PCDH15: variants seen among roughly 807,000 people sequenced by gnomAD.
The protein encoded by PCDH15 is protocadherin-15.
A neutral mutation model predicts 178.5 loss-of-function variants in PCDH15; 129 were observed. That is an observed-to-expected ratio of 0.72 (90% CI 0.63 to 0.84). The LOEUF is 0.84. Ranked by LOEUF, PCDH15 falls within the 40% of genes least tolerant of loss-of-function variation. The pLI is 0.00. For missense variants in PCDH15, 2,230 were observed against 2,099.9 expected (o/e 1.06, Z -1.21); for synonymous variants, 800 against 732.0 (o/e 1.09, Z -1.50).
chr10:54,610,950 GGTCA>G (rs1208336364), intron 2 of PCDH15, among the ~76,000 whole-genome samples: 4 of 151,434 alleles, frequency 2.6e-5, no homozygotes, highest in African/African-American at 9.7e-5. Context: ...TGCTTATTTT[GGTCA>G]GTGTTATTTG....
At chr10:55,075,749 G>A (rs1364838596) in intron 2 of PCDH15, among the ~76,000 whole-genome samples, 1 of 151,224 alleles carries the variant, frequency 6.6e-6, no homozygotes, top group Non-Finnish European at 1.5e-5. Context: ...CTTCTGCTCT[G>A]ATCTTTATTG....
rs1341777226 is a variant in PCDH15, at chr10:54,752,478, AAAAAAAAAAAAAAC to A, written c.-29+48433_-29+48446del. ...GGTGACAGAACGAGACTCCGTCTCA[AAAAAAAAAAAAAAC>A]AAAAAACAAAAAACAAAAAACAAAC... is the stretch of plus-strand genomic sequence containing the variant. On this transcript the variant is annotated intron_variant, in intron 1 of 37. Coordinates refer to ENST00000644397, the MANE Select transcript of PCDH15 (RefSeq NM_001384140.1). 4.5e-4 allele frequency among the ~76,000 whole-genome samples: 40 copies of A among 88,306 alleles called. 1 individual carries two copies. Among genetic ancestry groups the A allele is most frequent in the East Asian group, 2.6e-3 (12 of 4,544 alleles). The allele number at this position is 88,306 out of a possible 152,430, so 57.9% of individuals were successfully genotyped here. A position where few individuals can be genotyped will look rare whatever the true frequency, so the allele number is the denominator to read the frequency against.
chr10:54,306,430 G>C (rs540981812), intron 8 of PCDH15, among the ~76,000 whole-genome samples: 1 of 152,096 alleles, frequency 6.6e-6, no homozygotes, highest in Non-Finnish European at 1.5e-5. Context: ...AAATCTGTAG[G>C]ACAGGCCAGC....
At chr10:54,763,217 G>A (rs1321364756) in intron 1 of PCDH15, among the ~76,000 whole-genome samples, 1 of 152,056 alleles carries the variant, frequency 6.6e-6, no homozygotes, top group Non-Finnish European at 1.5e-5. Flanking sequence ...AGAAACGCAG[G>A]GCTTTCCCAG....
chr10:54,575,550 T>C (rs2090381047), intron 2 of PCDH15, among the ~76,000 whole-genome samples: 1 of 152,124 alleles, frequency 6.6e-6, no homozygotes, highest in South Asian at 2.1e-4. Context: ...ATAAAATATT[T>C]CCATCTATAT....
At chr10:55,366,207 A>G (rs1196629574) in intron 2 of PCDH15, 1 of 152,068 alleles carries the variant, frequency 6.6e-6, no homozygotes, top group Non-Finnish European at 1.5e-5. Flanking sequence ...GGCTTTTTCC[A>G]TCTTTCCTGG....
rs116857356 is a variant in PCDH15 at position 55,162,091 on chromosome 10, G to A, written c.-80+4485C>T. Reference sequence around the variant, plus strand: ...CAAAACAGCAGCAAATGTACTTGAGGGAGAATCTATGATGCTGGACTTAAA... The same window carrying A: ...CAAAACAGCAGCAAATGTACTTGAGAGAGAATCTATGATGCTGGACTTAAA... On this transcript the variant is annotated intron_variant, in intron 2 of 5. Transcript: ENST00000458638. Among the ~76,000 whole-genome samples, 915 of 152,194 alleles carry A rather than the reference G, an allele frequency of 6.0e-3. 3 individuals are homozygous for A. Among genetic ancestry groups the A allele is most frequent in the Non-Finnish European group, 8.5e-3 (581 of 68,012 alleles).
chr10:55,173,341 G>GTGTGTGTGTA (rs986476786), intron 1 of PCDH15, among the ~76,000 whole-genome samples: 1 of 145,924 alleles, frequency 6.9e-6, no homozygotes, highest in Non-Finnish European at 1.5e-5. Flanking sequence ...GTGTGTGTGT[G>GTGTGTGTGTA]TGTGTATGTG....
intron 8 of PCDH15, among the ~76,000 whole-genome samples, chr10:54,242,130 T>A (rs10563186): frequency 0.22 from 6,844 of 31,456 alleles, 1,138 homozygotes; most frequent in Middle Eastern, 0.45. Context: ...AATTCTATTT[T>A]TATATATATA....
chr10:54,279,960 C>A (rs2058580597), intron 8 of PCDH15, among the ~76,000 whole-genome samples: 1 of 151,586 alleles, frequency 6.6e-6, no homozygotes. Flanking sequence ...CTTGTTTTGG[C>A]ATGGCAGAAA....
chr10:54,993,207 A>AT (rs1839548332), intron 2 of PCDH15, among the ~76,000 whole-genome samples: 1 of 152,202 alleles, frequency 6.6e-6, no homozygotes, highest in South Asian at 2.1e-4. Context: ...ATTCAAAGAA[A>AT]TTTTCAGGCT....
chr10:55,409,531 A>G (rs554953651), intron 2 of PCDH15, among the ~76,000 whole-genome samples: 1 of 152,238 alleles, frequency 6.6e-6, no homozygotes, highest in African/African-American at 2.4e-5. Flanking sequence ...ATTCTCCTCT[A>G]TTCAACACGC....
At chr10:54,032,180 G>T (rs950692181) in intron 18 of PCDH15, among the ~76,000 whole-genome samples, 1 of 151,474 alleles carries the variant, frequency 6.6e-6, no homozygotes, top group Admixed American at 6.6e-5. Flanking sequence ...GCTATTTCAT[G>T]TCTGCTTTAT....
chr10:53,935,872 T>A (rs2384336), intron 25 of PCDH15, among the ~76,000 whole-genome samples: 1,592 of 151,750 alleles, frequency 0.01, 25 homozygotes, highest in African/African-American at 0.036. Context: ...GTAATAAAAA[T>A]AAAAAAATAA....
chr10:55,299,373 T>A (rs1470400427), intron 1 of PCDH15, among the ~76,000 whole-genome samples: 1 of 152,156 alleles, frequency 6.6e-6, no homozygotes, highest in Admixed American at 6.6e-5. Flanking sequence ...AGCTATGCCA[T>A]TACTCCTCTT....
chr10:54,305,218 G>T (rs929022173), intron 8 of PCDH15, among the ~76,000 whole-genome samples: 10 of 151,854 alleles, frequency 6.6e-5, no homozygotes, highest in African/African-American at 2.2e-4. Context: ...TTCATTATTT[G>T]TTTTAATCAA....
At chr10:54,794,646 A>T (rs1043962741) in intron 1 of PCDH15, among the ~76,000 whole-genome samples, 2 of 151,862 alleles carry the variant, frequency 1.3e-5, no homozygotes, top group African/African-American at 4.8e-5. Context: ...AGTAAAATTA[A>T]TCAGAGGGGC....
intron 2 of PCDH15, among the ~76,000 whole-genome samples, chr10:55,532,348 C>A (rs1841473142): frequency 6.6e-6 from 1 of 151,982 alleles, no homozygotes; most frequent in South Asian, 2.1e-4. Flanking sequence ...ACTTGTTTCA[C>A]AATCTTTTCT....
intron 25 of PCDH15, among the ~76,000 whole-genome samples, chr10:53,916,356 T>C (rs1409449818): frequency 6.6e-6 from 1 of 152,182 alleles, no homozygotes; most frequent in Non-Finnish European, 1.5e-5. Context: ...TTTTTCCTCC[T>C]GGAAAGATTT....
Sources: gnomAD v4.1 joint callset for allele counts (sites outside exome capture counted in the v4.1 genomes callset) on GRCh38, gnomAD v4.1.1 for gene constraint, MANE v1.5 for transcripts, NCBI Gene and HGNC (gene_info 2026-07-23, HGNC 2026-07-21) for gene names.